LSM14A: variants seen among roughly 807,000 people sequenced by gnomAD.
LSM14A encodes the protein LSM14A mRNA processing body assembly factor.
Under a neutral mutation model 52.4 loss-of-function variants are expected in LSM14A, and 14 were observed. That is an observed-to-expected ratio of 0.27 (90% CI 0.18 to 0.42). The LOEUF is 0.42. LSM14A is among the 10% of genes least tolerant of loss of function. The probability of loss-of-function intolerance (pLI) is 1.00; values close to 1 mark genes in which losing one functional copy is unlikely to be tolerated. For missense variants in LSM14A, 417 were observed against 581.8 expected, an observed-to-expected ratio of 0.72 and a Z score of 2.91; for synonymous variants, 185 against 200.3, an observed-to-expected ratio of 0.92 and a Z score of 0.64.
intron 3 of LSM14A, 43 bp from the exon 4 acceptor site, chr19:34,208,886 C>T: frequency 7.0e-7 from 1 of 1,431,782 alleles, no homozygotes; most frequent in South Asian, 1.3e-5. Flanking sequence ...TAATGTCAAA[C>T]ATTTTTTAAA....
intron 1 of LSM14A, among the ~76,000 whole-genome samples, chr19:34,180,228 T>C (rs1256893264): frequency 1.3e-5 from 2 of 152,186 alleles, no homozygotes; most frequent in Admixed American, 1.3e-4. Flanking sequence ...TTGAAGTAAG[T>C]TTTTTAGTGG....
At chr19:34,216,797 TAGA>T (rs1335932012) in intron 6 of LSM14A, among the ~76,000 whole-genome samples, 6 of 152,348 alleles carry the variant, frequency 3.9e-5, no homozygotes, top group Admixed American at 1.3e-4. Flanking sequence ...TATTTCCTGC[TAGA>T]AGGATTTGTT....
chr19:34,179,955 G>A (rs2145497737), intron 1 of LSM14A, among the ~76,000 whole-genome samples: 1 of 152,188 alleles, frequency 6.6e-6, no homozygotes, highest in East Asian at 1.9e-4. Context: ...TGAGACAAGA[G>A]TCTCACTCTG....
At chr19:34,177,903 G>C (rs1472251868) in intron 1 of LSM14A, among the ~76,000 whole-genome samples, 1 of 152,020 alleles carries the variant, frequency 6.6e-6, no homozygotes, top group Non-Finnish European at 1.5e-5. Context: ...ATGATAGCCT[G>C]TAATCCCAGC....
chr19:34,183,342 G>A (rs952581626), intron 1 of LSM14A, among the ~76,000 whole-genome samples: 1 of 152,132 alleles, frequency 6.6e-6, no homozygotes, highest in Non-Finnish European at 1.5e-5. Flanking sequence ...TACGAGGTCA[G>A]GAGTTCGAGA....
intron 1 of LSM14A, among the ~76,000 whole-genome samples, chr19:34,179,635 A>G (rs184843741): frequency 6.6e-6 from 1 of 152,176 alleles, no homozygotes; most frequent in African/African-American, 2.4e-5. Context: ...AAGGTAAGCC[A>G]TGATTTTCTA....
intron 4 of LSM14A, 43 bp downstream of exon 4, chr19:34,209,094 A>G (rs768230974): frequency 6.7e-7 from 1 of 1,498,362 alleles, no homozygotes; most frequent in South Asian, 1.3e-5. Context: ...CTAAACTTTT[A>G]TAGTGGTTTT....
intron 1 of LSM14A, among the ~76,000 whole-genome samples, chr19:34,184,984 CT>C (rs2069783577): frequency 6.6e-6 from 1 of 152,156 alleles, no homozygotes; most frequent in African/African-American, 2.4e-5. Flanking sequence ...AAGAGAGATC[CT>C]TTGTAAATGT....
chr19:34,201,602 A>G (rs1372350352), intron 3 of LSM14A, among the ~76,000 whole-genome samples: 2 of 152,148 alleles, frequency 1.3e-5, no homozygotes, highest in Admixed American at 6.5e-5. Flanking sequence ...CAGCCTCCCA[A>G]AGTGCTGGGA....
rs796900903 is a variant in LSM14A, at chr19:34,198,073, A to AG, written c.415+1310_415+1311insG. 7.2e-4 allele frequency among the ~76,000 whole-genome samples: 110 copies of AG among 152,188 alleles called. 1 individual carries two copies. Among genetic ancestry groups the AG allele is most frequent in the African/African-American group, 2.3e-3 (95 of 41,532 alleles). On this transcript the variant is annotated intron_variant, in intron 3 of 9. Transcript: ENST00000544216. ...GCTAAGCTCAAGTGTAAAAAAAAAA[A>AG]AACAGCTTTAAATCTCAAGCTTTTG...
At chr19:34,176,758 G>A (rs1049992443) in intron 1 of LSM14A, among the ~76,000 whole-genome samples, 7 of 152,148 alleles carry the variant, frequency 4.6e-5, no homozygotes, top group African/African-American at 1.4e-4. Context: ...AAGTGCACTG[G>A]TGCATGTTTA....
chr19:34,202,590 AG>A (rs2071383232), intron 3 of LSM14A, among the ~76,000 whole-genome samples: 1 of 152,158 alleles, frequency 6.6e-6, no homozygotes. Flanking sequence ...AAAACTCAAA[AG>A]CTTGATTATA....
intron 8 of LSM14A, 81 bp from the exon 9 acceptor site, chr19:34,221,426 T>C: frequency 7.1e-7 from 1 of 1,416,594 alleles, no homozygotes; most frequent in Non-Finnish European, 9.6e-7. Context: ...TTAGGCTTAA[T>C]TTGGGAGTAG....
chr19:34,213,874 A>T (rs112947390), intron 4 of LSM14A, among the ~76,000 whole-genome samples: 3,748 of 152,290 alleles, frequency 0.025, 156 homozygotes, highest in African/African-American at 0.087. Flanking sequence ...TCTGCCTCCC[A>T]GGCTCAAGCA....
chr19:34,215,114 T>C lies in LSM14A; in HGVS notation c.539-10T>C. 6.3e-7 allele frequency: 1 copy of C among 1,593,146 alleles called. No homozygotes were observed. The highest frequency in any genetic ancestry group is 8.5e-7 in the Non-Finnish European group (1 of 1,172,746). ...ATAGGGTAGTTTGTTATCTTTTGGT[T>C]ACATTTTAGGTCGCTCAAGCCCTCA... On this transcript the variant is annotated splice_polypyrimidine_tract_variant and intron_variant, in intron 4 of 9. Coordinates refer to ENST00000544216, the MANE Select transcript of LSM14A (RefSeq NM_015578.4).
At chr19:34,184,510 A>G (rs2069741432) in intron 1 of LSM14A, among the ~76,000 whole-genome samples, 1 of 152,174 alleles carries the variant, frequency 6.6e-6, no homozygotes, top group Admixed American at 6.6e-5. Context: ...CATTACATGG[A>G]GTTCATGGTA....
intron 1 of LSM14A, among the ~76,000 whole-genome samples, chr19:34,187,189 C>T (rs1019002179): frequency 4.7e-5 from 7 of 149,866 alleles, no homozygotes; most frequent in African/African-American, 1.7e-4. Context: ...GCAGAGGTTG[C>T]GGTGAGACGA....
rs71165635 is a variant in LSM14A at position 34,227,790 on chromosome 19, T to TTGTGTGTG, written c.*434_*441dup. On this transcript the variant is annotated 3_prime_UTR_variant, in exon 10 of 10. Transcript: ENST00000544216. ...ATACTGTGTTTTGAGCCACAGAAGG[T>TTGTGTGTG]TGTGTGTGTGTGTGTGTGTGTGTGT... is the stretch of plus-strand genomic sequence containing the variant. 0.027 allele frequency: 4,075 copies of TTGTGTGTG among 152,402 alleles called. 101 individuals are homozygous for TTGTGTGTG. The highest frequency in any genetic ancestry group is 0.044 in the Middle Eastern group (14 of 320). The allele number at this position is 152,402 out of a possible 1,614,324, so 9.4% of individuals were successfully genotyped here. A position where few individuals can be genotyped will look rare whatever the true frequency, so the allele number is the denominator to read the frequency against.
intron 3 of LSM14A, among the ~76,000 whole-genome samples, chr19:34,205,924 G>A (rs1396946453): frequency 6.6e-6 from 1 of 152,016 alleles, no homozygotes; most frequent in African/African-American, 2.4e-5. Context: ...GAACAACCAA[G>A]CAAGTTGCCA....
Sources: gnomAD v4.1 joint callset for allele counts (sites outside exome capture counted in the v4.1 genomes callset) on GRCh38, gnomAD v4.1.1 for gene constraint, MANE v1.5 for transcripts, NCBI Gene and HGNC (gene_info 2026-07-23, HGNC 2026-07-21) for gene names.